The following ZFHX4 variants were observed in gnomAD, a reference collection of about 807,000 sequenced individuals.
The protein encoded by ZFHX4 is zinc finger homeobox protein 4.
ZFHX4 carries 56 observed loss-of-function variants against 267.6 expected under a neutral mutation model. The observed-to-expected ratio is 0.21, with a 90% CI of 0.17 to 0.26. ZFHX4 has a LOEUF of 0.26. ZFHX4 is among the 10% of genes least tolerant of loss of function. The pLI, the probability that ZFHX4 is intolerant of heterozygous loss-of-function variation, is 1.00. For missense variants in ZFHX4, 4,332 were observed against 4,420.0 expected, an observed-to-expected ratio of 0.98 and a Z score of 0.56; for synonymous variants, 1,778 against 1,665.6, an observed-to-expected ratio of 1.07 and a Z score of -1.64.
Position 76,706,497 on chromosome 8 carries a change from G to A in ZFHX4, c.2409G>A (p.Lys803=). The part of the protein sequence containing the change: ...HNMMLLQQNM[K]QIQHNLHLGL... ...TGATGCTTTTGCAGCAGAACATGAA[G>A]CAGATCCAGCATAATCTGCACTTGG... The change falls in exon 2 of 11, where the codon AAG becomes AAA. Residue 803 remains lysine, a synonymous_variant. Transcript: ENST00000651372. The A allele has an allele frequency of 1.2e-6, 2 of 1,613,860 alleles. No homozygotes were observed. Among genetic ancestry groups the A allele is most frequent in the East Asian group, 2.2e-5 (1 of 44,866 alleles).
Position 76,855,623 on chromosome 8 carries a change from C to T in ZFHX4, c.8702C>T (p.Thr2901Met), listed in dbSNP as rs561513244. Residue 2901 changes from threonine to methionine, a missense_variant, in exon 10 of 11, where the codon ACG becomes ATG. By Grantham distance (81) the Thr-to-Met change is moderately conservative (BLOSUM62 -1). Coordinates refer to ENST00000651372, the MANE Select transcript of ZFHX4 (RefSeq NM_024721.5). The stretch of plus-strand genomic sequence containing the variant: ...GATGACAACGCCGACCGCAGCGAAA[C>T]GTCCAGCATAGCGGACCCGAGCTCC... ...DPDDNADRSE[T>M]SSIADPSSPN... 1 of 1,613,616 alleles carries T rather than the reference C, an allele frequency of 6.2e-7. No individual in the cohort carries two copies. Among genetic ancestry groups the T allele is most frequent in the African/African-American group, 1.3e-5 (1 of 74,912 alleles).
intron 3 of ZFHX4, among the ~76,000 whole-genome samples, chr8:76,715,301 G>T (rs764623595): frequency 1.4e-4 from 21 of 151,708 alleles, no homozygotes; most frequent in Non-Finnish European, 2.8e-4. Context: ...GACCAGCCTG[G>T]TGAAACCCTG....
At chr8:76,795,344 G>A (rs1234519441) in intron 4 of ZFHX4, among the ~76,000 whole-genome samples, 1 of 152,032 alleles carries the variant, frequency 6.6e-6, no homozygotes, top group East Asian at 1.9e-4. Context: ...CATAAACATG[G>A]CTCACTGCAG....
intron 2 of ZFHX4, among the ~76,000 whole-genome samples, chr8:76,706,950 G>A (rs141957646): frequency 4.5e-4 from 68 of 152,304 alleles, no homozygotes; most frequent in African/African-American, 1.5e-3. Context: ...AAGCTAATTT[G>A]CATTAATTGC....
At chr8:76,757,677 A>G (rs1274102796) in intron 3 of ZFHX4, among the ~76,000 whole-genome samples, 2 of 152,220 alleles carry the variant, frequency 1.3e-5, no homozygotes, top group Admixed American at 6.5e-5. Context: ...AAGTTCCTGT[A>G]AATAACTGAG....
At chr8:76,862,454 C>G (rs1812896047) in intron 10 of ZFHX4, among the ~76,000 whole-genome samples, 1 of 152,312 alleles carries the variant, frequency 6.6e-6, no homozygotes, top group Middle Eastern at 3.4e-3. Flanking sequence ...AAATGAAATC[C>G]TGGCTAACCT....
chr8:76,709,792 CGTGTGTGTGCGTGTGTGT>C (rs1326611772), intron 3 of ZFHX4, among the ~76,000 whole-genome samples: 6 of 139,584 alleles, frequency 4.3e-5, no homozygotes, highest in African/African-American at 1.7e-4. Context: ...CGTGTGTGTG[CGTGTGTGTGCGTGTGTGT>C]GTGTGTGTGT....
intron 1 of ZFHX4, among the ~76,000 whole-genome samples, chr8:76,689,845 A>G (rs1176896844): frequency 3.9e-5 from 6 of 152,134 alleles, no homozygotes; most frequent in Non-Finnish European, 5.9e-5. Flanking sequence ...CTTTGGCACT[A>G]AAGTCATATT....
chr8:76,823,633 T>C (rs2131870609), intron 4 of ZFHX4, among the ~76,000 whole-genome samples: 1 of 152,352 alleles, frequency 6.6e-6, no homozygotes, highest in South Asian at 2.1e-4. Flanking sequence ...TACATAAATC[T>C]GACCTTTTTG....
intron 9 of ZFHX4, 68 bp from the exon 10 acceptor site, chr8:76,850,818 A>G (rs1812493144): frequency 1.4e-6 from 2 of 1,386,546 alleles, no homozygotes; most frequent in Non-Finnish European, 1.9e-6. Flanking sequence ...ACTATTTATA[A>G]TATTAATTAA....
intron 1 of ZFHX4, among the ~76,000 whole-genome samples, chr8:76,685,483 C>A (rs953770992): frequency 6.6e-6 from 1 of 151,982 alleles, no homozygotes; most frequent in African/African-American, 2.4e-5. Flanking sequence ...GCAGTGTAGA[C>A]CCAGGCTCAA....
intron 4 of ZFHX4, among the ~76,000 whole-genome samples, chr8:76,832,704 T>C (rs1375754664): frequency 2.6e-5 from 4 of 152,124 alleles, no homozygotes; most frequent in African/African-American, 7.2e-5. Flanking sequence ...ATTCCATAGG[T>C]TCCCCTACAA....
Position 76,855,016 on chromosome 8 carries a change from T to C in ZFHX4, c.8095T>C (p.Trp2699Arg), listed in dbSNP as rs776632152. Residue 2699 changes from tryptophan to arginine, a missense_variant, in exon 10 of 11, where the codon TGG becomes CGG. Physicochemically the swap from Trp to Arg is moderately radical, Grantham distance 101 (BLOSUM62 -3). Transcript: ENST00000651372. ...AGAAAGCCACATTCGCTCTCGGCACTGGAATGAAGGAAAGCAGGCAGGTTA... is the reference window on the plus strand; with the variant it reads ...AGAAAGCCACATTCGCTCTCGGCACCGGAATGAAGGAAAGCAGGCAGGTTA... ...ALESHIRSRH[W>R]NEGKQAGYSL... The C allele has an allele frequency of 1.2e-6, 2 of 1,613,980 alleles. No homozygotes were observed. The highest frequency in any genetic ancestry group is 1.7e-6 in the Non-Finnish European group (2 of 1,179,874).
At chr8:76,773,745 C>T (rs1309112554) in intron 3 of ZFHX4, among the ~76,000 whole-genome samples, 1 of 152,126 alleles carries the variant, frequency 6.6e-6, no homozygotes, top group African/African-American at 2.4e-5. Context: ...TGAGTAGTTA[C>T]ATTTGATTAT....
At position 76,778,381 on chromosome 8, in the gene ZFHX4, A is replaced by G. The variant is rs750900153; in HGVS notation, c.3267A>G (p.Pro1089=). Residue 1089 remains proline (P), a synonymous_variant, in exon 4 of 11, where the codon CCA becomes CCG. Coordinates refer to ENST00000651372, the MANE Select transcript of ZFHX4 (RefSeq NM_024721.5). ...KLQLHQQGLA[P]EEDNLSEIFF... ...AGCTCCACCAGCAAGGCCTGGCACC[A>G]GAGGAGGACAACCTCAGTGAGATCT... is the stretch of plus-strand genomic sequence containing the variant. 54 of 1,613,816 alleles carry G rather than the reference A, an allele frequency of 3.3e-5. No homozygotes were observed. Among genetic ancestry groups the G allele is most frequent in the Non-Finnish European group, 4.1e-5 (48 of 1,179,860 alleles).
At chr8:76,802,433 G>C (rs575598217) in intron 4 of ZFHX4, among the ~76,000 whole-genome samples, 1 of 152,132 alleles carries the variant, frequency 6.6e-6, no homozygotes, top group Non-Finnish European at 1.5e-5. Flanking sequence ...GCAAGAAAAC[G>C]CATATGTACT....
intron 3 of ZFHX4, among the ~76,000 whole-genome samples, chr8:76,751,364 A>G (rs1235784690): frequency 6.6e-6 from 1 of 152,206 alleles, no homozygotes; most frequent in African/African-American, 2.4e-5. Context: ...CTTAAAAGCC[A>G]GGAAAGAATA....
chr8:76,774,518 T>A (rs1434217538), intron 3 of ZFHX4, among the ~76,000 whole-genome samples: 2 of 152,172 alleles, frequency 1.3e-5, no homozygotes, highest in African/African-American at 2.4e-5. Flanking sequence ...TTAACTAAGT[T>A]GTTTTGCTTT....
intron 4 of ZFHX4, among the ~76,000 whole-genome samples, chr8:76,831,726 G>A (rs1165725879): frequency 6.6e-6 from 1 of 152,110 alleles, no homozygotes; most frequent in Non-Finnish European, 1.5e-5. Flanking sequence ...TAATCATCAT[G>A]GGTGCACAGA....
Sources: gnomAD v4.1 joint callset for allele counts (sites outside exome capture counted in the v4.1 genomes callset) on GRCh38, gnomAD v4.1.1 for gene constraint, MANE v1.5 for transcripts, NCBI Gene and HGNC (gene_info 2026-07-23, HGNC 2026-07-21) for gene names.